BAZ2B: variants seen among roughly 807,000 people sequenced by gnomAD.
BAZ2B encodes the protein bromodomain adjacent to zinc finger domain protein 2B.
A neutral mutation model predicts 246.0 loss-of-function variants in BAZ2B; 91 were observed. The ratio of observed to expected loss-of-function variants is 0.37; its 90% confidence interval spans 0.31 to 0.44. The LOEUF is 0.44. Ranked by LOEUF, BAZ2B falls within the 20% of genes least tolerant of loss-of-function variation. The pLI, the probability that BAZ2B is intolerant of heterozygous loss-of-function variation, is 1.00. For synonymous variants in BAZ2B, 855 were observed against 860.0 expected (o/e 0.99, Z 0.10); for missense variants, 2,332 against 2,533.7 (o/e 0.92, Z 1.71).
chr2:159,429,137 T>C lies in BAZ2B; in HGVS notation c.2255+63A>G, dbSNP rs370832638. 1.4e-5 allele frequency: 15 copies of C among 1,077,142 alleles called. No homozygotes were observed. The Admixed American group carries it at 1.6e-4, about 12-fold the overall frequency. 66.7% of individuals were successfully genotyped at this position (1,077,142 alleles called of 1,614,324 possible). The stretch of plus-strand genomic sequence containing the variant: ...TAATTGTAGAGAATGAGAAATCAAG[T>C]ATACATCAAACTTGCATAAATATAT... On this transcript the variant is annotated intron_variant, in intron 11 of 36. Transcript: ENST00000392783.
intron 3 of BAZ2B, chr2:159,462,680 A>G (rs1218732847): frequency 9.6e-6 from 12 of 1,252,290 alleles, no homozygotes; most frequent in Admixed American, 1.7e-5. Context: ...CTGAATCTTA[A>G]GCACTCCAAC....
chr2:159,431,261 AACTC>A (rs1308601962), intron 9 of BAZ2B, 105 bp from the exon 10 acceptor site: 2 of 1,437,722 alleles, frequency 1.4e-6, no homozygotes, highest in Non-Finnish European at 1.8e-6. Context: ...TGTGAATGAG[AACTC>A]AAATGAGCAA....
chr2:159,566,046 T>C (rs1682489457), intron 1 of BAZ2B, among the ~76,000 whole-genome samples: 1 of 152,074 alleles, frequency 6.6e-6, no homozygotes, highest in Admixed American at 6.6e-5. Flanking sequence ...AGTTTCGCTC[T>C]TGTTGCCCAG....
chr2:159,551,251 C>T (rs1474087774), intron 2 of BAZ2B, among the ~76,000 whole-genome samples: 4 of 152,084 alleles, frequency 2.6e-5, no homozygotes, highest in East Asian at 1.9e-4. Context: ...GGGCGGATCA[C>T]GAAGTCAGGA....
At chr2:159,597,098 G>C (rs1690897497) in intron 1 of BAZ2B, among the ~76,000 whole-genome samples, 1 of 152,154 alleles carries the variant, frequency 6.6e-6, no homozygotes, top group Admixed American at 6.5e-5. Flanking sequence ...TCTTGCATAA[G>C]TAAGGTGGTA....
chr2:159,320,246 T>A lies in BAZ2B; in HGVS notation c.*19A>T. 2.0e-6 allele frequency: 3 copies of A among 1,513,098 alleles called. No individual in the cohort carries two copies. The highest frequency in any genetic ancestry group is 2.6e-6 in the Non-Finnish European group (3 of 1,141,984). The allele number at this position is 1,513,098 out of a possible 1,614,324, so 93.7% of individuals were successfully genotyped here. ...TTGTCCTTGTTTAGAAGGAAAAAAATAAAGAGATTATTATAACTTCAGCTC... is the reference window on the plus strand; with the variant it reads ...TTGTCCTTGTTTAGAAGGAAAAAAAAAAAGAGATTATTATAACTTCAGCTC... On this transcript the variant is annotated 3_prime_UTR_variant, in exon 37 of 37. Transcript: ENST00000392783.
At chr2:159,398,745 C>A (rs2064463776) in intron 18 of BAZ2B, 84 bp downstream of exon 18, 1 of 1,250,526 alleles carries the variant, frequency 8.0e-7, no homozygotes. Context: ...TTGAAGAAAG[C>A]TATTTTTTCA....
chr2:159,416,466 T>G (rs1246669136), intron 13 of BAZ2B, among the ~76,000 whole-genome samples: 3 of 152,220 alleles, frequency 2.0e-5, no homozygotes, highest in African/African-American at 7.2e-5. Context: ...ATGTATCATA[T>G]AACTTGTAAA....
chr2:159,710,352 G>A, the BAZ2B span, among the ~76,000 whole-genome samples: 4 of 151,946 alleles, frequency 2.6e-5, no homozygotes, highest in African/African-American at 4.8e-5. Flanking sequence ...GGGACTACAG[G>A]CGCCTGCCAC....
At chr2:159,496,375 T>TAA (rs58900011) in intron 2 of BAZ2B, among the ~76,000 whole-genome samples, 10 of 58,924 alleles carry the variant, frequency 1.7e-4, no homozygotes, top group East Asian at 4.7e-4. Context: ...AGACTCCATC[T>TAA]AAAAAAAAAA....
chr2:159,595,120 T>TA (rs61315537), intron 1 of BAZ2B, among the ~76,000 whole-genome samples: 30 of 151,674 alleles, frequency 2.0e-4, no homozygotes, highest in Admixed American at 1.6e-3. Flanking sequence ...TTTTTTTTTT[T>TA]AAACGGAGTT....
chr2:159,496,113 C>T (rs1340392579), intron 2 of BAZ2B, among the ~76,000 whole-genome samples: 73 of 149,002 alleles, frequency 4.9e-4, no homozygotes, highest in African/African-American at 1.7e-3. Context: ...CGGTGGCTCA[C>T]GCCTGTAATC....
the BAZ2B span, among the ~76,000 whole-genome samples, chr2:159,635,002 T>G: frequency 6.6e-6 from 1 of 152,150 alleles, no homozygotes; most frequent in African/African-American, 2.4e-5. Context: ...TTTTTTCAAA[T>G]AGCAAAGAAA....
At chr2:159,416,181 T>C (rs1322497071) in intron 13 of BAZ2B, among the ~76,000 whole-genome samples, 1 of 152,242 alleles carries the variant, frequency 6.6e-6, no homozygotes, top group Non-Finnish European at 1.5e-5. Context: ...CATATATACA[T>C]ATGCTAAAAA....
chr2:159,489,523 T>C (rs1212373893), intron 2 of BAZ2B, among the ~76,000 whole-genome samples: 3 of 152,134 alleles, frequency 2.0e-5, no homozygotes, highest in Non-Finnish European at 4.4e-5. Context: ...GCTAAAAACT[T>C]TTCATTTTTG....
chr2:159,594,118 AGTCGGCCGGGCGCG>A (rs1559860622), intron 1 of BAZ2B, among the ~76,000 whole-genome samples: 1 of 152,202 alleles, frequency 6.6e-6, no homozygotes, highest in Non-Finnish European at 1.5e-5. Context: ...AAAAACAAAA[AGTCGGCCGGGCGCG>A]GTGGCTCACT....
the BAZ2B span, among the ~76,000 whole-genome samples, chr2:159,628,469 G>C: frequency 6.6e-6 from 1 of 152,150 alleles, no homozygotes; most frequent in African/African-American, 2.4e-5. Context: ...TACCGAAACA[G>C]ATATATAGAC....
chr2:159,439,278 T>C (rs2072953838), intron 6 of BAZ2B, 66 bp from the exon 7 acceptor site: 1 of 1,319,182 alleles, frequency 7.6e-7, no homozygotes, highest in East Asian at 2.3e-5. Context: ...CAATAAAAGG[T>C]GTACTCTTTT....
chr2:159,646,181 A>G, the BAZ2B span, among the ~76,000 whole-genome samples: 2 of 152,194 alleles, frequency 1.3e-5, no homozygotes, highest in Admixed American at 6.5e-5. Flanking sequence ...GCCCACCCTC[A>G]GGGGCGCATT....
Sources: allele counts gnomAD v4.1 joint callset (sites outside exome capture counted in the v4.1 genomes callset), GRCh38; gene constraint gnomAD v4.1.1; transcripts MANE v1.5; gene names NCBI Gene and HGNC (gene_info 2026-07-23, HGNC 2026-07-21).